SHCBP1L: variants seen among roughly 807,000 people sequenced by gnomAD.
SHCBP1L encodes testicular spindle-associated protein SHCBP1L.
Under a neutral mutation model 62.5 loss-of-function variants are expected in SHCBP1L, and 67 were observed. The observed-to-expected ratio is 1.07, with a 90% CI of 0.88 to 1.31. The LOEUF is 1.31. Ranked by LOEUF, SHCBP1L falls within the 40% of genes most tolerant of loss-of-function variation. The probability of loss-of-function intolerance (pLI) is 0.00; values close to 1 mark genes in which losing one functional copy is unlikely to be tolerated. For missense variants in SHCBP1L, 823 were observed against 809.8 expected (o/e 1.02, Z -0.20); for synonymous variants, 284 against 289.4 (o/e 0.98, Z 0.19).
chr1:182,906,219 A>G (rs1307994011), intron 6 of SHCBP1L, among the ~76,000 whole-genome samples: 1 of 152,022 alleles, frequency 6.6e-6, no homozygotes, highest in East Asian at 1.9e-4. Flanking sequence ...TACAGGCATA[A>G]GCCACCGTGC....
At chr1:182,908,802 T>C (rs1650093429) in intron 6 of SHCBP1L, among the ~76,000 whole-genome samples, 1 of 152,190 alleles carries the variant, frequency 6.6e-6, no homozygotes, top group Non-Finnish European at 1.5e-5. Context: ...CTTTGCCAAA[T>C]TCCTCTCCAG....
Position 182,929,574 on chromosome 1 carries a change from C to T in SHCBP1L, c.1182+73G>A, listed in dbSNP as rs1650892943. 5.4e-6 allele frequency: 5 copies of T among 929,450 alleles called. No homozygotes were observed. In the African/African-American group the frequency reaches 8.7e-5, roughly 16 times the overall value. The allele number at this position is 929,450 out of a possible 1,614,324, so 57.6% of individuals were successfully genotyped here. A position where few individuals can be genotyped will look rare whatever the true frequency, so the allele number is the denominator to read the frequency against. On this transcript the variant is annotated intron_variant, in intron 6 of 9. Coordinates refer to ENST00000367547, the MANE Select transcript of SHCBP1L (RefSeq NM_030933.4). ...CATTAATGATTAGACAAGGACTCCA[C>T]CCTCAGGGAGCTTCTTTTCCGATTA...
At chr1:182,916,524 T>C (rs1446727606) in intron 6 of SHCBP1L, among the ~76,000 whole-genome samples, 1 of 152,152 alleles carries the variant, frequency 6.6e-6, no homozygotes. Flanking sequence ...ACATTACTAC[T>C]GACCTTAAAG....
chr1:182,909,782 A>T (rs991178989), intron 6 of SHCBP1L, among the ~76,000 whole-genome samples: 1 of 152,210 alleles, frequency 6.6e-6, no homozygotes, highest in African/African-American at 2.4e-5. Context: ...TGGTAGTGTC[A>T]AATGCTGCTC....
chr1:182,930,542 AGTGT>A (rs199725936), intron 5 of SHCBP1L, among the ~76,000 whole-genome samples: 814 of 67,832 alleles, frequency 0.012, 25 homozygotes, highest in African/African-American at 0.062. Context: ...ATGTGGCTTT[AGTGT>A]GTGTGTATAT....
chr1:182,935,005 AGGACTCTATTTAT>A (rs1651121193), intron 5 of SHCBP1L, among the ~76,000 whole-genome samples: 1 of 152,052 alleles, frequency 6.6e-6, no homozygotes, highest in Non-Finnish European at 1.5e-5. Flanking sequence ...GGACTATATA[AGGACTCTATTTAT>A]GGACTCTATT....
intron 1 of SHCBP1L, chr1:182,951,978 AC>A: frequency 3.0e-6 from 1 of 329,010 alleles, no homozygotes; most frequent in Non-Finnish European, 6.3e-6. Flanking sequence ...AACTGGAGAA[AC>A]CCCATCTGTA....
At chr1:182,905,715 G>C in intron 6 of SHCBP1L, 66 bp from the exon 7 acceptor site, 1 of 1,474,402 alleles carries the variant, frequency 6.8e-7, no homozygotes, top group Non-Finnish European at 9.2e-7. Context: ...ATTTTAATCA[G>C]TTACTTACTG....
Position 182,904,270 on chromosome 1 carries a change from T to C in SHCBP1L, c.1497A>G (p.Glu499=), listed in dbSNP as rs759829754. ...VVVESGHMTL[E]NCILKCEGTG... ...TTCCTTCACATTTTAATATGCAGTTTTCTAGAGTCATGTGACCAGACTCCA... is the reference window on the plus strand; with the variant it reads ...TTCCTTCACATTTTAATATGCAGTTCTCTAGAGTCATGTGACCAGACTCCA... The change falls in exon 8 of 10, where the codon GAA becomes GAG. Residue 499 remains glutamate, a synonymous_variant. Coordinates refer to ENST00000367547, the MANE Select transcript of SHCBP1L (RefSeq NM_030933.4). 6.2e-7 allele frequency: 1 copy of C among 1,614,150 alleles called. No individual in the cohort carries two copies. Among genetic ancestry groups the C allele is most frequent in the Non-Finnish European group, 8.5e-7 (1 of 1,180,024 alleles).
At chr1:182,942,423 G>C in intron 2 of SHCBP1L, 7 of 699,538 alleles carry the variant, frequency 1.0e-5, no homozygotes, top group Non-Finnish European at 1.6e-5. Context: ...GGCAGGGCGC[G>C]TGCCGGGTGC....
chr1:182,916,320 AAAAAGCAAATTAAACCCAAAGCCAACAGT>A (rs1416003087), intron 6 of SHCBP1L, among the ~76,000 whole-genome samples: 30 of 152,186 alleles, frequency 2.0e-4, no homozygotes, highest in Admixed American at 6.5e-5. Flanking sequence ...AAGAAACTAG[AAAAAGCAAATTAAACCCAAAGCCAACAGT>A]AAAAGGAAAC....
At chr1:182,900,420 C>T (rs971690965) in intron 9 of SHCBP1L, among the ~76,000 whole-genome samples, 186 bp from the exon 10 acceptor site, 2 of 151,972 alleles carry the variant, frequency 1.3e-5, no homozygotes, top group Non-Finnish European at 2.9e-5. Context: ...ATATTAACTA[C>T]AAAAAATATT....
chr1:182,932,757 A>G (rs1422168105), intron 5 of SHCBP1L, among the ~76,000 whole-genome samples: 2 of 152,154 alleles, frequency 1.3e-5, no homozygotes, highest in African/African-American at 2.4e-5. Context: ...AGCCTCCCAA[A>G]GTGCTGGGAT....
chr1:182,918,637 T>C (rs1475742677), intron 6 of SHCBP1L, among the ~76,000 whole-genome samples: 1 of 152,158 alleles, frequency 6.6e-6, no homozygotes, highest in Non-Finnish European at 1.5e-5. Flanking sequence ...AGCCTTTTTT[T>C]TGAAGAAATG....
Position 182,904,687 on chromosome 1 carries a change from G to A in SHCBP1L, c.1337-257C>T, listed in dbSNP as rs192165454. Among the ~76,000 whole-genome samples the A allele has an allele frequency of 2.7e-3, 406 of 152,188 alleles. 2 individuals carry two copies. The highest frequency in any genetic ancestry group is 9.1e-3 in the African/African-American group (378 of 41,506). On this transcript the variant is annotated intron_variant, in intron 7 of 9. Transcript: ENST00000367547. ...CCTCCTGAGTAAGTTGGGACTACAG[G>A]TGCATAGCACAGTGCCCAGCTTCAC...
At chr1:182,903,006 A>G (rs1250681624) in intron 9 of SHCBP1L, 33 bp downstream of exon 9, 4 of 1,508,466 alleles carry the variant, frequency 2.7e-6, no homozygotes, top group Non-Finnish European at 3.6e-6. Flanking sequence ...TACAATTCTT[A>G]TAACAATGCT....
intron 6 of SHCBP1L, among the ~76,000 whole-genome samples, chr1:182,925,379 T>C (rs1323209255): frequency 6.6e-6 from 1 of 152,168 alleles, no homozygotes; most frequent in Non-Finnish European, 1.5e-5. Context: ...ATGAATTTAA[T>C]AGATGTTACT....
chr1:182,910,875 T>C (rs776555793), intron 6 of SHCBP1L, among the ~76,000 whole-genome samples: 1 of 152,080 alleles, frequency 6.6e-6, no homozygotes, highest in Non-Finnish European at 1.5e-5. Flanking sequence ...TTCTAGTTAT[T>C]TATCTATTTT....
At chr1:182,909,589 A>G (rs1413992073) in intron 6 of SHCBP1L, among the ~76,000 whole-genome samples, 1 of 152,228 alleles carries the variant, frequency 6.6e-6, no homozygotes, top group African/African-American at 2.4e-5. Flanking sequence ...GATTTTTTTC[A>G]ACCAAACACA....
Sources: allele counts gnomAD v4.1 joint callset (sites outside exome capture counted in the v4.1 genomes callset), GRCh38; gene constraint gnomAD v4.1.1; transcripts MANE v1.5; gene names NCBI Gene and HGNC (gene_info 2026-07-23, HGNC 2026-07-21).